SEPTIN2: variants seen among roughly 807,000 people sequenced by gnomAD.
SEPTIN2 encodes septin 2.
Under a neutral mutation model 46.5 loss-of-function variants are expected in SEPTIN2, and 34 were observed. That is an observed-to-expected ratio of 0.73 (90% CI 0.56 to 0.97). The LOEUF (loss-of-function observed/expected upper bound fraction) is 0.97. Among genes scored for constraint, SEPTIN2 ranks in the 50% least tolerant of loss-of-function variants. The probability of loss-of-function intolerance (pLI) is 0.00; values close to 1 mark genes in which losing one functional copy is unlikely to be tolerated. For synonymous variants in SEPTIN2, 175 were observed against 153.4 expected, an observed-to-expected ratio of 1.14 and a Z score of -1.04; for missense variants, 347 against 448.4, an observed-to-expected ratio of 0.77 and a Z score of 2.04.
rs2060941148 is a variant in SEPTIN2 at position 241,353,743 on chromosome 2, T to G, written c.*1806T>G. ...AATCTGTAAAAAAGAAAAACAAGTTTGCTAGTGACTAAGCCCCGCATATGT... is the reference window on the plus strand; with the variant it reads ...AATCTGTAAAAAAGAAAAACAAGTTGGCTAGTGACTAAGCCCCGCATATGT... On this transcript the variant is annotated 3_prime_UTR_variant, in exon 13 of 13. Transcript: ENST00000391971. 1 of 153,282 alleles carries G rather than the reference T, an allele frequency of 6.5e-6. No individual in the cohort carries two copies. The highest frequency in any genetic ancestry group is 2.4e-5 in the African/African-American group (1 of 41,460). 9.5% of individuals were successfully genotyped at this position (153,282 alleles called of 1,614,324 possible).
At chr2:241,348,494 G>A (rs2060480555) in intron 11 of SEPTIN2, among the ~76,000 whole-genome samples, 1 of 152,172 alleles carries the variant, frequency 6.6e-6, no homozygotes, top group Non-Finnish European at 1.5e-5. Flanking sequence ...GCCTCCCAAA[G>A]TGCTGGGATT....
At chr2:241,343,970 T>C (rs1357077267) in intron 9 of SEPTIN2, 73 bp downstream of exon 9, 2 of 1,560,000 alleles carry the variant, frequency 1.3e-6, no homozygotes, top group Non-Finnish European at 1.8e-6. Context: ...GGTGTACACT[T>C]GGCCCCCAAG....
At chr2:241,338,322 A>C (rs1262815787) in intron 7 of SEPTIN2, among the ~76,000 whole-genome samples, 2 of 151,962 alleles carry the variant, frequency 1.3e-5, no homozygotes, top group Non-Finnish European at 2.9e-5. Context: ...TATATTTTTA[A>C]ATTGCTTACT....
At chr2:241,348,845 A>G (rs921081074) in intron 11 of SEPTIN2, among the ~76,000 whole-genome samples, 1 of 152,224 alleles carries the variant, frequency 6.6e-6, no homozygotes, top group African/African-American at 2.4e-5. Context: ...TTGGAAGGCA[A>G]ACACATTATT....
chr2:241,342,534 ATTTT>A (rs548033372), intron 7 of SEPTIN2, among the ~76,000 whole-genome samples: 1 of 86,986 alleles, frequency 1.1e-5, no homozygotes. Context: ...AGTTTTGTAA[ATTTT>A]TTTTTTTTTT....
intron 10 of SEPTIN2, among the ~76,000 whole-genome samples, chr2:241,347,241 G>A (rs1056557728): frequency 2.6e-5 from 4 of 152,116 alleles, no homozygotes; most frequent in Non-Finnish European, 4.4e-5. Context: ...GTGAGACCCT[G>A]TCTCAACAAC....
chr2:241,332,579 C>A (rs1381811567), intron 3 of SEPTIN2, among the ~76,000 whole-genome samples: 6 of 152,184 alleles, frequency 3.9e-5, no homozygotes, highest in Admixed American at 1.3e-4. Context: ...GTATGGAAGC[C>A]AGTTTGGTAC....
intron 2 of SEPTIN2, among the ~76,000 whole-genome samples, chr2:241,325,520 A>T (rs1233591772): frequency 6.6e-6 from 1 of 152,092 alleles, no homozygotes; most frequent in African/African-American, 2.4e-5. Context: ...TTTCCTCGAT[A>T]CTTTTCAGAA....
intron 10 of SEPTIN2, among the ~76,000 whole-genome samples, chr2:241,347,259 T>C (rs1010042560): frequency 3.3e-5 from 5 of 152,144 alleles, no homozygotes; most frequent in African/African-American, 4.8e-5. Flanking sequence ...AACAAAAGTT[T>C]CCTGTGTTGT....
Position 241,324,229 on chromosome 2 carries a change from A to G in SEPTIN2, c.-4A>G. The G allele has an allele frequency of 6.2e-7, 1 of 1,611,350 alleles. No homozygotes were observed. The highest frequency in any genetic ancestry group is 1.7e-5 in the Admixed American group (1 of 59,632). ...TTTTTTTAACAGACGAAGCTTCACAAAAGATGTCTAAGGTAAGATCATACT... is the reference window on the plus strand; with the variant it reads ...TTTTTTTAACAGACGAAGCTTCACAGAAGATGTCTAAGGTAAGATCATACT... On this transcript the variant is annotated 5_prime_UTR_variant, in exon 2 of 13. Transcript: ENST00000391971.
In SEPTIN2 at chr2:241,343,799, C is replaced by G; in HGVS notation, c.744C>G (p.Ala248=). 3.7e-6 allele frequency: 6 copies of G among 1,614,050 alleles called. No individual in the cohort carries two copies. Among genetic ancestry groups the G allele is most frequent in the Non-Finnish European group, 5.1e-6 (6 of 1,180,010 alleles). ...SVVGSNQLIE[A]KGKKVRGRLY... Reference sequence around the variant, plus strand: ...TTGGATCCAATCAGTTGATTGAAGCCAAAGGAAAGAAGGTCAGAGGCCGCC... The same window carrying G: ...TTGGATCCAATCAGTTGATTGAAGCGAAAGGAAAGAAGGTCAGAGGCCGCC... The change falls in exon 9 of 13, where the codon GCC becomes GCG. Residue 248 remains alanine (A), a synonymous_variant. Transcript: ENST00000391971.
chr2:241,322,101 A>G (rs2077212314), intron 1 of SEPTIN2, among the ~76,000 whole-genome samples: 2 of 152,194 alleles, frequency 1.3e-5, no homozygotes, highest in Admixed American at 1.3e-4. Flanking sequence ...TTTCCAGTCA[A>G]AAGGGAAACA....
At chr2:241,348,377 G>A (rs1046856127) in intron 11 of SEPTIN2, among the ~76,000 whole-genome samples, 186 bp downstream of exon 11, 3 of 151,984 alleles carry the variant, frequency 2.0e-5, no homozygotes, top group East Asian at 1.9e-4. Context: ...ACAGGTGCCC[G>A]CCACCATGCC....
chr2:241,339,007 TTA>T (rs1318637985), intron 7 of SEPTIN2, among the ~76,000 whole-genome samples: 1 of 117,006 alleles, frequency 8.5e-6, no homozygotes, highest in African/African-American at 3.2e-5. Context: ...TATATAAATA[TTA>T]TATTTATACA....
chr2:241,339,004 ATAT>A (rs1358441312), intron 7 of SEPTIN2, among the ~76,000 whole-genome samples: 214 of 115,162 alleles, frequency 1.9e-3, no homozygotes, highest in East Asian at 3.6e-3. Flanking sequence ...ATATATATAA[ATAT>A]TATATTTATA....
At chr2:241,318,575 A>G (rs1170542905) in intron 1 of SEPTIN2, among the ~76,000 whole-genome samples, 1 of 152,172 alleles carries the variant, frequency 6.6e-6, no homozygotes, top group African/African-American at 2.4e-5. Flanking sequence ...TCTGTTGTAA[A>G]TGATGTGCCC....
chr2:241,328,517 A>G (rs1575198811), intron 3 of SEPTIN2, among the ~76,000 whole-genome samples: 1 of 151,432 alleles, frequency 6.6e-6, no homozygotes, highest in African/African-American at 2.4e-5. Flanking sequence ...TGGGCAGATC[A>G]CCTGAGGTTG....
Position 241,316,266 on chromosome 2 carries a change from C to G in SEPTIN2, c.-18+284C>G, listed in dbSNP as rs905985698. On this transcript the variant is annotated intron_variant, in intron 1 of 12. Coordinates refer to ENST00000391971, the MANE Select transcript of SEPTIN2 (RefSeq NM_004404.5). ...ACCCCTTGTTGACCCTGCGGGAATTCCTCTGCACTGTCGTCGGTGCTGGGC... is the reference window on the plus strand; with the variant it reads ...ACCCCTTGTTGACCCTGCGGGAATTGCTCTGCACTGTCGTCGGTGCTGGGC... The G allele has an allele frequency of 1.5e-5, 6 of 401,308 alleles. No individual in the cohort carries two copies. In the East Asian group the frequency reaches 2.4e-4, roughly 16 times the overall value. 24.9% of individuals were successfully genotyped at this position (401,308 alleles called of 1,614,324 possible). A position where few individuals can be genotyped will look rare whatever the true frequency, so the allele number is the denominator to read the frequency against.
rs765103500 is a variant in SEPTIN2, at chr2:241,337,707, A to G, written c.511A>G (p.Ile171Val). The G allele has an allele frequency of 1.4e-5, 22 of 1,613,990 alleles. No homozygotes were observed. The highest frequency in any genetic ancestry group is 4.4e-5 in the South Asian group (4 of 91,074). Residue 171 changes from isoleucine to valine, a missense_variant, in exon 7 of 13, where the codon ATA becomes GTA. Physicochemically the swap from Ile to Val is conservative, Grantham distance 29. Transcript: ENST00000391971. ...CTTAGATGTGGCGTTTATGAAGGCA[A>G]TACACAACAAGGTGAATATTGTGCC... ...KPLDVAFMKA[I>V]HNKVNIVPVI...
Sources: allele counts gnomAD v4.1 joint callset (sites outside exome capture counted in the v4.1 genomes callset), GRCh38; gene constraint gnomAD v4.1.1; transcripts MANE v1.5; gene names NCBI Gene and HGNC (gene_info 2026-07-23, HGNC 2026-07-21).